The following SNED1 variants were observed in gnomAD, a reference collection of about 807,000 sequenced individuals.
The protein encoded by SNED1 is sushi, nidogen and EGF-like domain-containing protein 1.
SNED1 carries 81 observed loss-of-function variants against 166.7 expected under a neutral mutation model. The observed-to-expected ratio is 0.49, with a 90% CI of 0.41 to 0.58. The LOEUF is 0.58. SNED1 is among the 20% of genes least tolerant of loss of function. SNED1 has a pLI of 0.00. For missense variants in SNED1, 1,604 were observed against 2,000.2 expected, an observed-to-expected ratio of 0.80 and a Z score of 3.78; for synonymous variants, 762 against 822.0, an observed-to-expected ratio of 0.93 and a Z score of 1.25.
rs774859824 is a variant in SNED1, at chr2:241,071,757, G to A, written c.3734+37G>A. The A allele has an allele frequency of 2.3e-5, 35 of 1,534,516 alleles. No homozygotes were observed. The East Asian group carries it at 4.4e-4, about 19-fold the overall frequency. On this transcript the variant is annotated intron_variant, in intron 25 of 31. Transcript: ENST00000310397. ...ACCCATCGGCCCCATCGCCCGAGGCGGCGCTCGGACTGTGGTGACCCTCCC... is the reference window on the plus strand; with the variant it reads ...ACCCATCGGCCCCATCGCCCGAGGCAGCGCTCGGACTGTGGTGACCCTCCC...
chr2:241,063,957 C>G, intron 18 of SNED1, 55 bp from the exon 19 acceptor site: 1 of 1,301,386 alleles, frequency 7.7e-7, no homozygotes, highest in Non-Finnish European at 1.1e-6. Flanking sequence ...GTCCTCTCCT[C>G]CCTCCCCCAG....
intron 30 of SNED1, chr2:241,087,804 C>T (rs1009313754): frequency 1.5e-5 from 12 of 785,364 alleles, no homozygotes; most frequent in South Asian, 5.2e-5. Context: ...CGATATAGCG[C>T]GTCGCTCTTT....
chr2:241,087,501 C>A, intron 30 of SNED1, 26 bp downstream of exon 30: 1 of 1,584,128 alleles, frequency 6.3e-7, no homozygotes, highest in Non-Finnish European at 8.6e-7. Context: ...AGGCCCATGC[C>A]GTGTCCTGCA....
Position 241,091,021 on chromosome 2 carries a change from G to A in SNED1, c.*2-617G>A, listed in dbSNP as rs1031647746. On this transcript the variant is annotated intron_variant, in intron 31 of 31. Transcript: ENST00000310397. This position sits in a 1 kb window ranked among gnomAD's most constrained non-coding sequence, Gnocchi z 4.1. ...GAATCCACAAACATAATTTGGGTTTGAGATATTTATACGGTGGTAAGTCAC... is the reference window on the plus strand; with the variant it reads ...GAATCCACAAACATAATTTGGGTTTAAGATATTTATACGGTGGTAAGTCAC... Among the ~76,000 whole-genome samples, 1 of 152,320 alleles carries A rather than the reference G, an allele frequency of 6.6e-6. No individual in the cohort carries two copies. The highest frequency in any genetic ancestry group is 2.4e-5 in the African/African-American group (1 of 41,560).
Position 241,034,648 on chromosome 2 carries a change from C to T in SNED1, c.723C>T (p.Thr241=), listed in dbSNP as rs763114213. Residue 241 remains threonine, a synonymous_variant, in exon 4 of 32, where the codon ACC becomes ACT. Coordinates refer to ENST00000310397, the MANE Select transcript of SNED1 (RefSeq NM_001080437.3). ...CAGCAGACATGGCCGAGGTGGAGAC[C>T]ACCACCAACGTGGGTGTGCCCGGGC... ...SRTADMAEVE[T]TTNVGVPGRW... is the part of the protein sequence containing the mutation. 7.4e-6 allele frequency: 12 copies of T among 1,611,492 alleles called. No individual in the cohort carries two copies. The highest frequency in any genetic ancestry group is 1.0e-5 in the Non-Finnish European group (12 of 1,179,360).
intron 31 of SNED1, chr2:241,089,044 T>C: frequency 2.6e-6 from 1 of 382,642 alleles, no homozygotes; most frequent in Non-Finnish European, 4.7e-6. Context: ...CAAACTCTTT[T>C]GGCAACCAAA....
Position 241,027,097 on chromosome 2 carries a change from T to TA in SNED1, c.214-3184dup, listed in dbSNP as rs1463584967. ...CAGATTTCCCTACTTTTTTTTTTTT[T>TA]AAAGACAGGGTCTCACTCTGTCACG... On this transcript the variant is annotated intron_variant, in intron 1 of 31. Coordinates refer to ENST00000310397, the MANE Select transcript of SNED1 (RefSeq NM_001080437.3). Among the ~76,000 whole-genome samples, 341 of 151,662 alleles carry TA rather than the reference T, an allele frequency of 2.2e-3. 2 individuals carry two copies. The East Asian group carries it at 0.026, about 11-fold the overall frequency.
intron 16 of SNED1, 45 bp downstream of exon 16, chr2:241,053,371 C>T (rs748455634): frequency 6.6e-7 from 1 of 1,508,772 alleles, no homozygotes; most frequent in African/African-American, 1.4e-5. Context: ...GGCCCACACC[C>T]TCCTCATCCT....
At position 241,033,739 on chromosome 2, in the gene SNED1, A is replaced by G. The variant is rs1483390858; in HGVS notation, c.506A>G (p.Asn169Ser). 1 of 1,611,436 alleles carries G rather than the reference A, an allele frequency of 6.2e-7. No individual in the cohort carries two copies. Among genetic ancestry groups the G allele is most frequent in the Non-Finnish European group, 8.5e-7 (1 of 1,179,344 alleles). Residue 169 changes from asparagine (N) to serine (S), a missense_variant, in exon 3 of 32, where the codon AAC becomes AGC. Around this residue, in one of 2 missense-constraint regions of SNED1, gnomAD observed 1,237 missense variants for 1,620.8 expected, o/e 0.76. Transcript: ENST00000310397. ...TCAGCCCCCTCTCCCCGGCAGGTCA[A>G]CACATTCCAGACTGTGCTCATCACA... ...FFGGSSSSPV[N>S]TFQTVLITDG...
In SNED1 at chr2:241,091,726, A is replaced by G. The variant is rs1199337381; in HGVS notation, c.*90A>G. The stretch of plus-strand genomic sequence containing the variant: ...GTCTAAAAACTGGATGAAAAAGGAC[A>G]CCCTGAGAAAAGGTCCTAGCTGGAG... On this transcript the variant is annotated 3_prime_UTR_variant, in exon 32 of 32. Coordinates refer to ENST00000310397, the MANE Select transcript of SNED1 (RefSeq NM_001080437.3). This position sits in a 1 kb window ranked among gnomAD's most constrained non-coding sequence, Gnocchi z 4.1. 6.6e-6 allele frequency: 1 copy of G among 152,268 alleles called. No homozygotes were observed. Among genetic ancestry groups the G allele is most frequent in the East Asian group, 1.9e-4 (1 of 5,198 alleles). The allele number at this position is 152,268 out of a possible 1,614,324, so 9.4% of individuals were successfully genotyped here. A position where few individuals can be genotyped will look rare whatever the true frequency, so the allele number is the denominator to read the frequency against.
chr2:241,085,860 CTTT>C (rs772995766), intron 29 of SNED1, among the ~76,000 whole-genome samples: 21 of 79,160 alleles, frequency 2.7e-4, no homozygotes, highest in African/African-American at 9.2e-4. Flanking sequence ...TCTGCGGTTT[CTTT>C]TTTTTTTTTT....
At chr2:241,084,909 A>T (rs1288389497) in intron 29 of SNED1, among the ~76,000 whole-genome samples, 1 of 152,016 alleles carries the variant, frequency 6.6e-6, no homozygotes, top group Non-Finnish European at 1.5e-5. Context: ...CTTGATTGAC[A>T]GTTATATTTT....
intron 27 of SNED1, among the ~76,000 whole-genome samples, chr2:241,081,413 T>G (rs762853948): frequency 6.7e-6 from 1 of 150,214 alleles, no homozygotes; most frequent in Non-Finnish European, 1.5e-5. Context: ...TCCTCCTCCT[T>G]GTTTTTGTTT....
intron 1 of SNED1, among the ~76,000 whole-genome samples, chr2:241,005,129 G>A (rs542874898): frequency 1.3e-5 from 2 of 151,876 alleles, no homozygotes; most frequent in South Asian, 4.2e-4. Flanking sequence ...TCATTTCTTT[G>A]TGTAGGTCCA....
At chr2:241,039,986 TG>T (rs2061479327) in intron 6 of SNED1, 88 bp from the exon 7 acceptor site, 2 of 1,034,736 alleles carry the variant, frequency 1.9e-6, no homozygotes, top group Admixed American at 2.1e-5. Flanking sequence ...CAGTTGGGGG[TG>T]GGGCTCAGTG....
At chr2:240,998,348 C>A (rs759522383), upstream of SNED1, among the ~76,000 whole-genome samples, 11 of 152,224 alleles carry the variant, frequency 7.2e-5, no homozygotes, top group Non-Finnish European at 1.6e-4. Flanking sequence ...GCGTCTCAGG[C>A]CTTAGGGACA....
chr2:241,048,307 T>C lies in SNED1; in HGVS notation c.1274-8T>C, dbSNP rs1298388471. 1 of 1,592,406 alleles carries C rather than the reference T, an allele frequency of 6.3e-7. No individual in the cohort carries two copies. Among genetic ancestry groups the C allele is most frequent in the East Asian group, 2.2e-5 (1 of 44,746 alleles). The stretch of plus-strand genomic sequence containing the variant: ...CGTGGCCGCTGGTGACTGCCGTCTT[T>C]CTTGCAGGAGACCATCCAGTGCCAG... On this transcript the variant is annotated splice_region_variant and splice_polypyrimidine_tract_variant and intron_variant, in intron 8 of 31. Coordinates refer to ENST00000310397, the MANE Select transcript of SNED1 (RefSeq NM_001080437.3).
At chr2:241,041,719 C>A (rs2061526972) in intron 8 of SNED1, among the ~76,000 whole-genome samples, 1 of 151,996 alleles carries the variant, frequency 6.6e-6, no homozygotes, top group African/African-American at 2.4e-5. Context: ...AAGAAAGAAA[C>A]AACAGACTGA....
chr2:241,033,201 T>A (rs1448081438), intron 2 of SNED1, among the ~76,000 whole-genome samples: 1 of 152,240 alleles, frequency 6.6e-6, no homozygotes, highest in Non-Finnish European at 1.5e-5. Context: ...TCAGGGGGTT[T>A]CCTGTTTGTC....
Sources: allele counts gnomAD v4.1 joint callset (sites outside exome capture counted in the v4.1 genomes callset), GRCh38; gene constraint gnomAD v4.1.1; regional missense constraint gnomAD v4.1.1; non-coding constraint Gnocchi (gnomAD v3.1); transcripts MANE v1.5; gene names NCBI Gene and HGNC (gene_info 2026-07-23, HGNC 2026-07-21).